The following KCTD16 variants were observed in gnomAD, a reference collection of about 807,000 sequenced individuals.
The protein encoded by KCTD16 is potassium channel tetramerization domain containing 16, also known as BTB/POZ domain-containing protein KCTD16.
KCTD16 carries 13 observed loss-of-function variants against 33.2 expected under a neutral mutation model. That is an observed-to-expected ratio of 0.39 (90% CI 0.25 to 0.62). The LOEUF is 0.62. KCTD16 is among the 20% of genes least tolerant of loss of function. KCTD16 has a pLI of 0.50. For synonymous variants in KCTD16, 197 were observed against 195.3 expected, an observed-to-expected ratio of 1.01 and a Z score of -0.07; for missense variants, 441 against 525.1, an observed-to-expected ratio of 0.84 and a Z score of 1.57.
chr5:144,261,180 A>AG (rs1275108147), intron 3 of KCTD16, among the ~76,000 whole-genome samples: 19 of 150,934 alleles, frequency 1.3e-4, no homozygotes, highest in African/African-American at 4.4e-4. Context: ...AAAAAAAAAA[A>AG]AAAAGAAAAA....
At chr5:144,283,029 G>T (rs1268630868) in intron 3 of KCTD16, among the ~76,000 whole-genome samples, 1 of 152,068 alleles carries the variant, frequency 6.6e-6, no homozygotes, top group Non-Finnish European at 1.5e-5. Flanking sequence ...ACTGAAAGAG[G>T]GGGAATTGGA....
At chr5:144,472,408 G>A (rs765451087) in intron 3 of KCTD16, among the ~76,000 whole-genome samples, 2 of 152,142 alleles carry the variant, frequency 1.3e-5, no homozygotes, top group African/African-American at 2.4e-5. Flanking sequence ...CCTGGTTCAC[G>A]GAGCCACTGT....
chr5:144,300,284 A>G (rs1180156112), intron 3 of KCTD16, among the ~76,000 whole-genome samples: 1 of 152,166 alleles, frequency 6.6e-6, no homozygotes, highest in Non-Finnish European at 1.5e-5. Context: ...AGATCAAGAT[A>G]TTTTGTATCT....
chr5:144,178,251 A>G (rs1414826675), intron 2 of KCTD16, among the ~76,000 whole-genome samples: 4 of 152,114 alleles, frequency 2.6e-5, no homozygotes, highest in Non-Finnish European at 5.9e-5. Flanking sequence ...GATTTTTTTC[A>G]CTCGTGATGA....
At chr5:144,176,754 C>G (rs1177408778) in intron 2 of KCTD16, among the ~76,000 whole-genome samples, 2 of 152,154 alleles carry the variant, frequency 1.3e-5, no homozygotes, top group African/African-American at 4.8e-5. Context: ...TTATACTCAA[C>G]AAGAGAACAG....
chr5:144,305,953 C>T (rs1477621463), intron 3 of KCTD16, among the ~76,000 whole-genome samples: 2 of 152,196 alleles, frequency 1.3e-5, no homozygotes, highest in Non-Finnish European at 2.9e-5. Context: ...GAGAAAATAA[C>T]TTCTGTTGTT....
rs349704 is a variant in KCTD16, at chr5:144,475,468, A to G, written c.*1354A>G. 56,976 of 152,474 alleles carry G rather than the reference A, an allele frequency of 0.37. 11,449 individuals carry two copies. The highest frequency in any genetic ancestry group is 0.67 in the East Asian group (3,440 of 5,166). 9.4% of individuals were successfully genotyped at this position (152,474 alleles called of 1,614,324 possible). A position where few individuals can be genotyped will look rare whatever the true frequency, so the allele number is the denominator to read the frequency against. ...ATCCTGACTTGTATAGACACAGCCAAAAAGAAACTGTTAATAGCCATCCGT... is the reference window on the plus strand; with the variant it reads ...ATCCTGACTTGTATAGACACAGCCAGAAAGAAACTGTTAATAGCCATCCGT... On this transcript the variant is annotated 3_prime_UTR_variant, in exon 4 of 4. Coordinates refer to ENST00000512467, the MANE Select transcript of KCTD16 (RefSeq NM_020768.4).
intron 2 of KCTD16, among the ~76,000 whole-genome samples, chr5:144,198,112 G>T (rs1404728868): frequency 6.6e-6 from 1 of 152,160 alleles, no homozygotes; most frequent in Non-Finnish European, 1.5e-5. Context: ...AAAGATCCCT[G>T]CTAGCATGTA....
At chr5:144,300,531 T>A (rs1751403451) in intron 3 of KCTD16, among the ~76,000 whole-genome samples, 1 of 152,214 alleles carries the variant, frequency 6.6e-6, no homozygotes. Context: ...ATTTATTACA[T>A]ATATGCAATA....
chr5:144,241,629 T>G (rs989822612), intron 3 of KCTD16, among the ~76,000 whole-genome samples: 5 of 152,186 alleles, frequency 3.3e-5, no homozygotes, highest in South Asian at 4.1e-4. Context: ...ATTTTCTGGT[T>G]ACCTGATCTG....
At chr5:144,306,888 C>T (rs1490225168) in intron 3 of KCTD16, among the ~76,000 whole-genome samples, 1 of 152,192 alleles carries the variant, frequency 6.6e-6, no homozygotes, top group Non-Finnish European at 1.5e-5. Context: ...ACAACACGTT[C>T]AAGTCCATAA....
chr5:144,451,232 A>T (rs1753934387), intron 3 of KCTD16, among the ~76,000 whole-genome samples: 1 of 152,182 alleles, frequency 6.6e-6, no homozygotes, highest in African/African-American at 2.4e-5. Context: ...AATCCAAAAG[A>T]CATCTCTAGT....
At chr5:144,390,905 T>A (rs983650788) in intron 3 of KCTD16, among the ~76,000 whole-genome samples, 2 of 152,164 alleles carry the variant, frequency 1.3e-5, no homozygotes, top group African/African-American at 4.8e-5. Context: ...CAAAGCAAGA[T>A]TGAGTTGATT....
chr5:144,407,936 G>T (rs761532685), intron 3 of KCTD16, among the ~76,000 whole-genome samples: 1 of 152,118 alleles, frequency 6.6e-6, no homozygotes, highest in Non-Finnish European at 1.5e-5. Flanking sequence ...TCTTTATCCA[G>T]TCTATCATTG....
At chr5:144,258,662 T>C (rs1317602166) in intron 3 of KCTD16, among the ~76,000 whole-genome samples, 1 of 152,214 alleles carries the variant, frequency 6.6e-6, no homozygotes, top group Non-Finnish European at 1.5e-5. Context: ...TTCACTGACA[T>C]ATATACTTTA....
chr5:144,307,437 T>C (rs1221346660), intron 3 of KCTD16, among the ~76,000 whole-genome samples: 2 of 152,184 alleles, frequency 1.3e-5, no homozygotes, highest in Admixed American at 6.5e-5. Context: ...TCAGCACCCA[T>C]CTAGTGCTTT....
chr5:144,474,248 C>G lies in KCTD16; in HGVS notation c.*134C>G. The G allele has an allele frequency of 1.5e-6, 1 of 671,776 alleles. No individual in the cohort carries two copies. Among genetic ancestry groups the G allele is most frequent in the Non-Finnish European group, 2.5e-6 (1 of 402,502 alleles). 41.6% of individuals were successfully genotyped at this position (671,776 alleles called of 1,614,324 possible). On this transcript the variant is annotated 3_prime_UTR_variant, in exon 4 of 4. Coordinates refer to ENST00000512467, the MANE Select transcript of KCTD16 (RefSeq NM_020768.4). ...TAGAACACAATAGTCCATTGATATA[C>G]TACTGCCTACTTTACCTAGTTCACC...
chr5:144,224,015 C>A (rs1753848537), intron 3 of KCTD16, among the ~76,000 whole-genome samples: 1 of 151,868 alleles, frequency 6.6e-6, no homozygotes, highest in African/African-American at 2.4e-5. Context: ...GAAAACTTGG[C>A]TTTTTGCATT....
chr5:144,205,055 A>C (rs13154296), intron 2 of KCTD16, among the ~76,000 whole-genome samples: 1 of 152,098 alleles, frequency 6.6e-6, no homozygotes, highest in African/African-American at 2.4e-5. Context: ...TGTTTATCTC[A>C]CAACTTACCT....
Sources: allele counts gnomAD v4.1 joint callset (sites outside exome capture counted in the v4.1 genomes callset), GRCh38; gene constraint gnomAD v4.1.1; transcripts MANE v1.5; gene names NCBI Gene and HGNC (gene_info 2026-07-23, HGNC 2026-07-21).